The following BTBD3 variants were observed in gnomAD, a reference collection of about 807,000 sequenced individuals.
BTBD3 encodes BTB/POZ domain-containing protein 3.
BTBD3 carries 14 observed loss-of-function variants against 41.6 expected under a neutral mutation model. The observed-to-expected ratio is 0.34, with a 90% CI of 0.22 to 0.53. The LOEUF (loss-of-function observed/expected upper bound fraction) is 0.53. Ranked by LOEUF, BTBD3 falls within the 20% of genes least tolerant of loss-of-function variation. The probability of loss-of-function intolerance (pLI) is 0.95; values close to 1 mark genes in which losing one functional copy is unlikely to be tolerated. For missense variants in BTBD3, 426 were observed against 654.7 expected, an observed-to-expected ratio of 0.65 and a Z score of 3.81; for synonymous variants, 249 against 233.7, an observed-to-expected ratio of 1.07 and a Z score of -0.60.
chr20:11,915,057 T>G (rs150441886), upstream of BTBD3, among the ~76,000 whole-genome samples: 163 of 152,342 alleles, frequency 1.1e-3, 1 homozygote, highest in African/African-American at 3.8e-3. Flanking sequence ...AGGACTGAAC[T>G]AGATTGGTTG....
intron 1 of BTBD3, among the ~76,000 whole-genome samples, chr20:11,909,138 G>A (rs911561253): frequency 6.6e-5 from 10 of 151,968 alleles, no homozygotes; most frequent in Non-Finnish European, 1.2e-4. Context: ...GCCCGGTGTG[G>A]TGGCGCATTC....
At chr20:11,905,200 C>T (rs2056846373) in intron 1 of BTBD3, among the ~76,000 whole-genome samples, 1 of 152,134 alleles carries the variant, frequency 6.6e-6, no homozygotes. Flanking sequence ...GTGACAGGCT[C>T]ACTTCATTCA....
chr20:11,905,816 C>T (rs1200229327), intron 1 of BTBD3, among the ~76,000 whole-genome samples: 3 of 152,176 alleles, frequency 2.0e-5, no homozygotes, highest in Admixed American at 6.5e-5. Context: ...TGATCCCTTC[C>T]ATTGTGGCCT....
In BTBD3 at chr20:11,891,177, A is replaced by AGG. The variant is rs748239370; in HGVS notation, c.-126+233_-126+234dup. 7.9e-3 allele frequency: 1,139 copies of AGG among 143,852 alleles called. 22 individuals carry two copies. Among genetic ancestry groups the AGG allele is most frequent in the East Asian group, 0.06 (251 of 4,156 alleles). 8.9% of individuals were successfully genotyped at this position (143,852 alleles called of 1,614,324 possible). On this transcript the variant is annotated intron_variant, in intron 1 of 4. Coordinates refer to the BTBD3 transcript ENST00000254977. ...GCTGGCCGCGCGGGCTGGCTTTCCG[A>AGG]GGGGGGGGGGGTCCCAGTGGGGCGC...
chr20:11,915,944 G>A (rs2056915458), upstream of BTBD3, among the ~76,000 whole-genome samples: 1 of 152,068 alleles, frequency 6.6e-6, no homozygotes, highest in South Asian at 2.1e-4. Context: ...AGAGCCATGT[G>A]TTTTGGAGAC....
At chr20:11,919,390 T>C in intron 2 of BTBD3, 1 of 1,411,134 alleles carries the variant, frequency 7.1e-7, no homozygotes, top group Non-Finnish European at 9.2e-7. Context: ...ACATCCCCTC[T>C]TAACTCTCCA....
intron 1 of BTBD3, among the ~76,000 whole-genome samples, chr20:11,910,886 G>C (rs1320840494): frequency 6.6e-6 from 1 of 152,166 alleles, no homozygotes; most frequent in African/African-American, 2.4e-5. Flanking sequence ...CCATATCAAT[G>C]GTTGTCATAG....
At position 11,926,384 on chromosome 20, in the gene BTBD3, A is replaced by G. The variant is rs2057019708; in HGVS notation, c.*2718A>G. ...TTTTGTTTATTAAGGTGTTTAAATA[A>G]GCTCAGCTAATTCAAGACACTGTAG... is the stretch of plus-strand genomic sequence containing the variant. On this transcript the variant is annotated 3_prime_UTR_variant, in exon 4 of 4. Coordinates refer to ENST00000378226, the MANE Select transcript of BTBD3 (RefSeq NM_014962.4). 2 of 152,664 alleles carry G rather than the reference A, an allele frequency of 1.3e-5. No homozygotes were observed. The highest frequency in any genetic ancestry group is 2.9e-5 in the Non-Finnish European group (2 of 68,050). The allele number at this position is 152,664 out of a possible 1,614,324, so 9.5% of individuals were successfully genotyped here. A position where few individuals can be genotyped will look rare whatever the true frequency, so the allele number is the denominator to read the frequency against.
chr20:11,890,866 C>T lies in BTBD3; in HGVS notation c.-214C>T, dbSNP rs1345914160. On this transcript the variant is annotated 5_prime_UTR_variant, in exon 1 of 5. Transcript: ENST00000254977. ...CCGCCGAGCCCGCCGGGCGCTGGAT[C>T]TCCGAGTGCCCCGGCCGGGGCCTGA... 8.1e-6 allele frequency: 8 copies of T among 985,012 alleles called. No homozygotes were observed. In the Admixed American group the frequency reaches 4.3e-4, roughly 53 times the overall value. 61.0% of individuals were successfully genotyped at this position (985,012 alleles called of 1,614,324 possible).
intron 1 of BTBD3, among the ~76,000 whole-genome samples, chr20:11,901,702 A>G (rs928909569): frequency 6.6e-6 from 1 of 152,150 alleles, no homozygotes; most frequent in Non-Finnish European, 1.5e-5. Context: ...CTTAGCTAGC[A>G]AATATCTCCT....
intron 1 of BTBD3, among the ~76,000 whole-genome samples, chr20:11,894,868 G>A (rs2056777308): frequency 6.6e-6 from 1 of 152,086 alleles, no homozygotes; most frequent in Non-Finnish European, 1.5e-5. Context: ...AGACTAAGGC[G>A]TTGAGGAAGA....
At chr20:11,892,667 A>T (rs1555794622) in intron 1 of BTBD3, 1 of 152,126 alleles carries the variant, frequency 6.6e-6, no homozygotes, top group Non-Finnish European at 1.5e-5. Flanking sequence ...TTCTTTCCCA[A>T]TCCTTGCACT....
chr20:11,890,859 G>C (rs546658025), exon 1 of BTBD3: 58 of 985,020 alleles, frequency 5.9e-5, no homozygotes, highest in Non-Finnish European at 7.0e-5. Flanking sequence ...CCCGCCGGGC[G>C]CTGGATCTCC....
chr20:11,905,300 C>A (rs1485166053), intron 1 of BTBD3, among the ~76,000 whole-genome samples: 1 of 152,110 alleles, frequency 6.6e-6, no homozygotes, highest in Non-Finnish European at 1.5e-5. Flanking sequence ...AAGAAAAAAG[C>A]TGCTGGTTTG....
chr20:11,895,861 A>G (rs572780396), intron 1 of BTBD3, among the ~76,000 whole-genome samples: 1 of 152,254 alleles, frequency 6.6e-6, no homozygotes, highest in Non-Finnish European at 1.5e-5. Flanking sequence ...CACTGTTGGT[A>G]TAGCATTCCC....
intron 2 of BTBD3, 195 bp downstream of exon 2, chr20:11,919,371 A>T: frequency 7.1e-7 from 1 of 1,413,448 alleles, no homozygotes; most frequent in Admixed American, 3.0e-5. Flanking sequence ...ATACTGCTTT[A>T]TATCTCACAC....
chr20:11,906,253 C>CTTTTTTTTTTTTTTTTTTTTTTT (rs1568610658), intron 1 of BTBD3, among the ~76,000 whole-genome samples: 1 of 37,346 alleles, frequency 2.7e-5, no homozygotes, highest in Non-Finnish European at 6.3e-5. Context: ...TATTATTACT[C>CTTTTTTTTTTTTTTTTTTTTTTT]CTTTTTTTTT....
chr20:11,903,039 C>T (rs1044942799), intron 1 of BTBD3, among the ~76,000 whole-genome samples: 4 of 152,128 alleles, frequency 2.6e-5, no homozygotes, highest in African/African-American at 4.8e-5. Flanking sequence ...AAACCCATAG[C>T]GTTCAAGGGT....
In BTBD3 at chr20:11,908,321, G is replaced by GTTTTTTTTTTTTTTTTTTTTTTTTT. The variant is rs3834758; in HGVS notation, c.-125-9995_-125-9994insTTTTTTTTTTTTTTTTTTTTTTTTT. ...ATGGTGGAGTGGTTGCTTCTCTGTG[G>GTTTTTTTTTTTTTTTTTTTTTTTTT]TTTTTTTTTTTTTTTTTTAAATAAG... On this transcript the variant is annotated intron_variant, in intron 1 of 4. Coordinates refer to the BTBD3 transcript ENST00000254977. 2.6e-5 allele frequency among the ~76,000 whole-genome samples: 2 copies of GTTTTTTTTTTTTTTTTTTTTTTTTT among 77,074 alleles called. 1 individual carries two copies. The highest frequency in any genetic ancestry group is 9.7e-5 in the African/African-American group (2 of 20,586). The allele number at this position is 77,074 out of a possible 152,430, so 50.6% of individuals were successfully genotyped here.
Sources: allele counts gnomAD v4.1 joint callset (sites outside exome capture counted in the v4.1 genomes callset), GRCh38; gene constraint gnomAD v4.1.1; transcripts MANE v1.5; gene names NCBI Gene and HGNC (gene_info 2026-07-23, HGNC 2026-07-21).